Variants in ERO1B observed in about 807,000 individuals in gnomAD.
ERO1B encodes ERO1-like protein beta.
Under a neutral mutation model 75.3 loss-of-function variants are expected in ERO1B, and 49 were observed. That is an observed-to-expected ratio of 0.65 (90% CI 0.52 to 0.83). The LOEUF (loss-of-function observed/expected upper bound fraction) is 0.83, where lower values mean the gene tolerates loss of function less well. Ranked by LOEUF, ERO1B falls within the 40% of genes least tolerant of loss-of-function variation. The pLI, the probability that ERO1B is intolerant of heterozygous loss-of-function variation, is 0.00. For synonymous variants in ERO1B, 191 were observed against 192.9 expected, an observed-to-expected ratio of 0.99 and a Z score of 0.08; for missense variants, 512 against 560.1, an observed-to-expected ratio of 0.91 and a Z score of 0.87.
intron 6 of ERO1B, among the ~76,000 whole-genome samples, chr1:236,239,809 G>A (rs368944904): frequency 8.7e-4 from 41 of 47,262 alleles, no homozygotes; most frequent in South Asian, 2.8e-3. Flanking sequence ...ATATATATGT[G>A]TGTATATATA....
intron 6 of ERO1B, among the ~76,000 whole-genome samples, chr1:236,237,091 T>C (rs996058538): frequency 6.7e-6 from 1 of 148,730 alleles, no homozygotes; most frequent in African/African-American, 2.5e-5. Context: ...CAAATGAGTA[T>C]TTACCCCGAT....
chr1:236,261,477 A>G (rs1297624268), intron 2 of ERO1B, among the ~76,000 whole-genome samples: 1 of 152,240 alleles, frequency 6.6e-6, no homozygotes, highest in East Asian at 1.9e-4. Flanking sequence ...ATGTCAGCAT[A>G]CAAAAGTCCA....
intron 8 of ERO1B, among the ~76,000 whole-genome samples, chr1:236,233,337 C>G (rs935664265): frequency 6.7e-6 from 1 of 148,490 alleles, no homozygotes; most frequent in Non-Finnish European, 1.5e-5. Flanking sequence ...GAAGGCTGGG[C>G]ACGGTGGCTC....
intron 2 of ERO1B, among the ~76,000 whole-genome samples, chr1:236,269,122 C>G (rs1246199514): frequency 6.6e-6 from 1 of 152,020 alleles, no homozygotes; most frequent in Non-Finnish European, 1.5e-5. Context: ...GTAATCCCAG[C>G]TACTCAGAAG....
At chr1:236,236,735 A>G (rs1248842418) in intron 6 of ERO1B, among the ~76,000 whole-genome samples, 1 of 152,186 alleles carries the variant, frequency 6.6e-6, no homozygotes, top group Non-Finnish European at 1.5e-5. Context: ...ACCAAACAGA[A>G]TCATAACCTG....
chr1:236,255,310 C>T (rs79779531), intron 2 of ERO1B, among the ~76,000 whole-genome samples: 3,677 of 152,148 alleles, frequency 0.024, 65 homozygotes, highest in Middle Eastern at 0.061. Context: ...ACTCTTTCGC[C>T]GCATTCAAGT....
rs1429795883 is a variant in ERO1B at position 236,226,251 on chromosome 1, CG to C, written c.1052+17del. The C allele has an allele frequency of 6.2e-7, 1 of 1,610,130 alleles. No homozygotes were observed. Among genetic ancestry groups the C allele is most frequent in the East Asian group, 2.2e-5 (1 of 44,850 alleles). Reference sequence around the variant, plus strand: ...ATACAGAGAGGAGAATTTCAAATCACGGATAGTCAATTCTTACTTTGTATCT... The same window carrying C: ...ATACAGAGAGGAGAATTTCAAATCACGATAGTCAATTCTTACTTTGTATCT... On this transcript the variant is annotated intron_variant, in intron 12 of 15. Transcript: ENST00000354619.
At chr1:236,225,940 T>C (rs978457958) in intron 12 of ERO1B, among the ~76,000 whole-genome samples, 1 of 151,964 alleles carries the variant, frequency 6.6e-6, no homozygotes, top group African/African-American at 2.4e-5. Context: ...GTCTCAAAAA[T>C]AAGTAAGTAA....
At chr1:236,263,107 T>C (rs1309296293) in intron 2 of ERO1B, among the ~76,000 whole-genome samples, 1 of 152,180 alleles carries the variant, frequency 6.6e-6, no homozygotes, top group Non-Finnish European at 1.5e-5. Context: ...ATTCCCTGCC[T>C]TCCCCAAACT....
At chr1:236,232,763 C>A in intron 9 of ERO1B, 65 bp downstream of exon 9, 1 of 1,492,114 alleles carries the variant, frequency 6.7e-7, no homozygotes, top group Non-Finnish European at 9.1e-7. Context: ...AAGGAAAAAT[C>A]AAATTCTGAT....
chr1:236,249,856 T>A (rs574780865), intron 5 of ERO1B, 29 bp downstream of exon 5: 1 of 1,490,152 alleles, frequency 6.7e-7, no homozygotes, highest in South Asian at 1.3e-5. Context: ...ATGAGAATAT[T>A]TTCTTAATAT....
chr1:236,227,883 A>G (rs933498811), intron 10 of ERO1B, among the ~76,000 whole-genome samples: 5 of 152,204 alleles, frequency 3.3e-5, no homozygotes, highest in African/African-American at 9.7e-5. Context: ...ATGGGGACCA[A>G]AAGAAATTGA....
intron 9 of ERO1B, among the ~76,000 whole-genome samples, chr1:236,231,552 T>C (rs12562407): frequency 6.7e-6 from 1 of 149,786 alleles, no homozygotes; most frequent in Non-Finnish European, 1.5e-5. Flanking sequence ...TCTTCTGAGT[T>C]GGGGAAAGAG....
intron 2 of ERO1B, among the ~76,000 whole-genome samples, chr1:236,266,270 C>T (rs1475429693): frequency 6.6e-6 from 1 of 152,204 alleles, no homozygotes; most frequent in Non-Finnish European, 1.5e-5. Context: ...ACTGTTACCT[C>T]CACCTGTATT....
chr1:236,222,130 G>A (rs1664163442), intron 13 of ERO1B, 120 bp from the exon 14 acceptor site: 2 of 824,342 alleles, frequency 2.4e-6, no homozygotes, highest in Admixed American at 4.6e-5. Flanking sequence ...GTTTGTTTGA[G>A]AAGGAGTTTT....
intron 2 of ERO1B, 73 bp downstream of exon 2, chr1:236,269,801 TG>T: frequency 8.1e-7 from 1 of 1,235,692 alleles, no homozygotes; most frequent in Non-Finnish European, 1.2e-6. Context: ...GGAACTGAAA[TG>T]GGCTTTCAAA....
chr1:236,231,968 C>T (rs1664421747), intron 9 of ERO1B, among the ~76,000 whole-genome samples: 1 of 152,100 alleles, frequency 6.6e-6, no homozygotes, highest in Admixed American at 6.6e-5. Context: ...TTACTGTCTC[C>T]CCAAACATGC....
chr1:236,246,246 C>T (rs751388510), intron 5 of ERO1B, among the ~76,000 whole-genome samples: 3 of 152,064 alleles, frequency 2.0e-5, no homozygotes, highest in Non-Finnish European at 4.4e-5. Context: ...TAGCTCATTG[C>T]AGTCTCAAAC....
chr1:236,222,025 A>G lies in ERO1B; in HGVS notation c.1123-15T>C. 6.3e-7 allele frequency: 1 copy of G among 1,597,858 alleles called. No homozygotes were observed. Among genetic ancestry groups the G allele is most frequent in the Non-Finnish European group, 8.6e-7 (1 of 1,165,754 alleles). On this transcript the variant is annotated splice_polypyrimidine_tract_variant and intron_variant, in intron 13 of 15. Transcript: ENST00000354619. Reference sequence around the variant, plus strand: ...CGGAATTCCTCCTAGCAAGCAGAAAATATTTTCAGTCTAATTAGACTTTTA... The same window carrying G: ...CGGAATTCCTCCTAGCAAGCAGAAAGTATTTTCAGTCTAATTAGACTTTTA...
Sources: allele counts gnomAD v4.1 joint callset (sites outside exome capture counted in the v4.1 genomes callset), GRCh38; gene constraint gnomAD v4.1.1; transcripts MANE v1.5; gene names NCBI Gene and HGNC (gene_info 2026-07-23, HGNC 2026-07-21).